Variants in ASTN2 observed in about 807,000 individuals in gnomAD.
ASTN2 encodes the protein astrotactin-2.
ASTN2 carries 54 observed loss-of-function variants against 139.8 expected under a neutral mutation model. That is an observed-to-expected ratio of 0.39 (90% CI 0.31 to 0.48). ASTN2 has a LOEUF of 0.48. Ranked by LOEUF, ASTN2 falls within the 20% of genes least tolerant of loss-of-function variation. The pLI is 0.95. For missense variants in ASTN2, 1,565 were observed against 1,725.1 expected (o/e 0.91, Z 1.64); for synonymous variants, 756 against 719.5 (o/e 1.05, Z -0.81).
chr9:117,099,675 C>T (rs1459640190), intron 4 of ASTN2, among the ~76,000 whole-genome samples: 1 of 152,168 alleles, frequency 6.6e-6, no homozygotes, highest in Non-Finnish European at 1.5e-5. Flanking sequence ...AAAATGAAGG[C>T]ACGTAGAAAT....
intron 19 of ASTN2, among the ~76,000 whole-genome samples, chr9:116,575,531 A>G (rs1208903532): frequency 6.6e-6 from 1 of 152,158 alleles, no homozygotes; most frequent in Non-Finnish European, 1.5e-5. Flanking sequence ...CATCTTTACT[A>G]AGCATCTAGG....
At chr9:117,140,315 G>A (rs918359912) in intron 4 of ASTN2, among the ~76,000 whole-genome samples, 1 of 152,060 alleles carries the variant, frequency 6.6e-6, no homozygotes, top group Non-Finnish European at 1.5e-5. Flanking sequence ...CATGTGTGAA[G>A]GTGCTAGATA....
At chr9:117,283,413 T>G (rs958457277) in intron 2 of ASTN2, among the ~76,000 whole-genome samples, 3 of 150,228 alleles carry the variant, frequency 2.0e-5, no homozygotes, top group Admixed American at 6.6e-5. Context: ...ATATTAAAAG[T>G]TCTACTTTCT....
Position 117,414,285 on chromosome 9 carries a change from C to A in ASTN2, c.442+212G>T, listed in dbSNP as rs985998105. Among the ~76,000 whole-genome samples, 1 of 152,236 alleles carries A rather than the reference C, an allele frequency of 6.6e-6. No individual in the cohort carries two copies. The highest frequency in any genetic ancestry group is 2.1e-4 in the South Asian group (1 of 4,824). On this transcript the variant is annotated intron_variant, in intron 1 of 22. Transcript: ENST00000313400. The surrounding 1 kb of genome is among the most constrained non-coding windows in gnomAD (Gnocchi z 4.2). ...GGTTCCCACTGCGGGAGGGTTGGCA[C>A]GCCCCCAGGCTCCCGCCGCGCGCTC...
intron 11 of ASTN2, among the ~76,000 whole-genome samples, chr9:116,830,086 G>C (rs765232610): frequency 2.4e-4 from 36 of 152,096 alleles, no homozygotes; most frequent in Non-Finnish European, 4.3e-4. Context: ...TTGTGCACTC[G>C]ACAAAGGTCA....
intron 3 of ASTN2, among the ~76,000 whole-genome samples, chr9:117,144,898 G>T (rs1452455511): frequency 1.3e-5 from 2 of 151,748 alleles, no homozygotes; most frequent in Non-Finnish European, 2.9e-5. Flanking sequence ...GGCCAGGCTG[G>T]TCTCAAACTC....
chr9:116,674,294 C>T (rs1471213993), intron 16 of ASTN2, among the ~76,000 whole-genome samples: 1 of 152,206 alleles, frequency 6.6e-6, no homozygotes, highest in Non-Finnish European at 1.5e-5. Flanking sequence ...AGATGAATAA[C>T]GTACTCAGAC....
intron 4 of ASTN2, among the ~76,000 whole-genome samples, chr9:117,096,973 G>A (rs60329662): frequency 1.3e-4 from 20 of 152,296 alleles, no homozygotes; most frequent in South Asian, 6.2e-4. Context: ...GGTGCCAAAC[G>A]GAGGATAGGG....
intron 7 of ASTN2, among the ~76,000 whole-genome samples, chr9:116,986,118 T>C (rs990306424): frequency 1.3e-5 from 2 of 152,050 alleles, no homozygotes; most frequent in Admixed American, 6.5e-5. Flanking sequence ...TTATCGTGAT[T>C]GCTGCCAGCA....
chr9:117,317,981 T>C (rs1828201162), intron 1 of ASTN2, among the ~76,000 whole-genome samples: 1 of 152,200 alleles, frequency 6.6e-6, no homozygotes. Flanking sequence ...GGGTATCAGA[T>C]CCAAGAGATC....
At chr9:117,033,857 G>A (rs13299010) in intron 6 of ASTN2, among the ~76,000 whole-genome samples, 23 of 152,232 alleles carry the variant, frequency 1.5e-4, no homozygotes, top group African/African-American at 4.1e-4. Context: ...ATTTTGCTAT[G>A]AGAACTGAAG....
intron 1 of ASTN2, 57 bp from the exon 2 acceptor site, chr9:117,291,570 G>T: frequency 6.7e-7 from 1 of 1,492,198 alleles, no homozygotes. Context: ...TGGTGCTCCA[G>T]GGAGGAAAAG....
At chr9:117,234,755 G>T (rs1429163042) in intron 2 of ASTN2, among the ~76,000 whole-genome samples, 1 of 151,998 alleles carries the variant, frequency 6.6e-6, no homozygotes, top group Non-Finnish European at 1.5e-5. Flanking sequence ...GAGAGGATGA[G>T]AGCCTTTTCT....
At chr9:116,471,381 T>C (rs1379390032) in intron 20 of ASTN2, among the ~76,000 whole-genome samples, 3 of 152,154 alleles carry the variant, frequency 2.0e-5, no homozygotes, top group Non-Finnish European at 4.4e-5. Context: ...AAAGAAATAG[T>C]AACTTCTTTT....
chr9:117,271,416 G>A (rs1564118432), intron 2 of ASTN2, among the ~76,000 whole-genome samples: 1 of 152,156 alleles, frequency 6.6e-6, no homozygotes, highest in Non-Finnish European at 1.5e-5. Flanking sequence ...AGATTTGGGT[G>A]GGAACAAAGC....
At chr9:117,125,041 A>G (rs1829652981) in intron 4 of ASTN2, among the ~76,000 whole-genome samples, 1 of 152,210 alleles carries the variant, frequency 6.6e-6, no homozygotes, top group Admixed American at 6.5e-5. Context: ...CATTATGGTA[A>G]TAAAAATCAA....
chr9:116,862,223 G>A (rs1050977659), intron 11 of ASTN2, among the ~76,000 whole-genome samples: 7 of 152,058 alleles, frequency 4.6e-5, no homozygotes, highest in African/African-American at 1.7e-4. Context: ...TGTCTCCCTT[G>A]GGTCTTGTTC....
intron 9 of ASTN2, 46 bp from the exon 10 acceptor site, chr9:116,975,391 A>G: frequency 1.3e-6 from 2 of 1,528,430 alleles, no homozygotes; most frequent in African/African-American, 2.8e-5. Flanking sequence ...GGAAGCAGAG[A>G]GCAAACAGAA....
chr9:117,019,955 A>G (rs567939919), intron 6 of ASTN2, among the ~76,000 whole-genome samples: 33 of 151,936 alleles, frequency 2.2e-4, no homozygotes, highest in Middle Eastern at 6.8e-3. Context: ...ATAAAGTATC[A>G]TCTCAGATTT....
Sources: gnomAD v4.1 joint callset for allele counts (sites outside exome capture counted in the v4.1 genomes callset) on GRCh38, gnomAD v4.1.1 for gene constraint, Gnocchi (gnomAD v3.1) non-coding constraint, MANE v1.5 for transcripts, NCBI Gene and HGNC (gene_info 2026-07-23, HGNC 2026-07-21) for gene names.